Variants in CEP112 observed in about 807,000 individuals in gnomAD.
The protein encoded by CEP112 is centrosomal protein of 112 kDa.
A neutral mutation model predicts 153.0 loss-of-function variants in CEP112; 127 were observed. The observed-to-expected ratio is 0.83, with a 90% CI of 0.72 to 0.96. CEP112 has a LOEUF of 0.96. Among genes scored for constraint, CEP112 ranks in the 40% least tolerant of loss-of-function variants. The pLI, the probability that CEP112 is intolerant of heterozygous loss-of-function variation, is 0.00. For missense variants in CEP112, 1,089 were observed against 1,101.2 expected (o/e 0.99, Z 0.16); for synonymous variants, 358 against 374.4 (o/e 0.96, Z 0.51).
intron 18 of CEP112, among the ~76,000 whole-genome samples, chr17:65,930,382 G>A (rs1336969332): frequency 1.3e-5 from 2 of 152,200 alleles, no homozygotes; most frequent in African/African-American, 4.8e-5. Context: ...TTCACTGCAT[G>A]AGAACAAAAT....
intron 4 of CEP112, among the ~76,000 whole-genome samples, chr17:66,150,350 A>G (rs1003976830): frequency 8.7e-5 from 13 of 149,480 alleles, no homozygotes; most frequent in African/African-American, 2.5e-4. Flanking sequence ...GACATGTGCC[A>G]CCATGCCCAG....
intron 12 of CEP112, among the ~76,000 whole-genome samples, chr17:66,034,881 C>G (rs896808063): frequency 6.7e-6 from 1 of 150,130 alleles, no homozygotes; most frequent in Non-Finnish European, 1.5e-5. Flanking sequence ...AATCTCGACT[C>G]ACCGCAACCC....
At chr17:66,016,257 A>G (rs953731001) in intron 16 of CEP112, among the ~76,000 whole-genome samples, 2 of 152,046 alleles carry the variant, frequency 1.3e-5, no homozygotes, top group South Asian at 4.2e-4. Context: ...TTCCTCTACA[A>G]TGCTTTCCCA....
Position 66,105,623 on chromosome 17 carries a change from G to A in CEP112, c.643-8991C>T, listed in dbSNP as rs866813073. ...AGCTTGGGTAACATTGTAAAACCCC[G>A]TCTTCACAAAAATTCCAAAAATTAG... On this transcript the variant is annotated intron_variant, in intron 6 of 26. Coordinates refer to ENST00000535342, the MANE Select transcript of CEP112 (RefSeq NM_001199165.4). Among the ~76,000 whole-genome samples the A allele has an allele frequency of 1.8e-4, 27 of 152,116 alleles. No individual in the cohort carries two copies. In the South Asian group the frequency reaches 1.9e-3, roughly 11 times the overall value.
intron 22 of CEP112, among the ~76,000 whole-genome samples, chr17:65,747,304 T>C (rs957695035): frequency 1.3e-5 from 2 of 152,006 alleles, no homozygotes; most frequent in East Asian, 1.9e-4. Context: ...GAGGCTGGCA[T>C]AGAGATGGGC....
At chr17:65,998,134 T>A (rs1204813734) in intron 17 of CEP112, among the ~76,000 whole-genome samples, 1 of 151,918 alleles carries the variant, frequency 6.6e-6, no homozygotes, top group African/African-American at 2.4e-5. Flanking sequence ...AATCCCAGTA[T>A]TTTGAGAGGC....
intron 8 of CEP112, among the ~76,000 whole-genome samples, chr17:66,094,267 C>T (rs2068252279): frequency 6.6e-6 from 1 of 151,994 alleles, no homozygotes; most frequent in African/African-American, 2.4e-5. Context: ...ACCATGTTGG[C>T]CAGGCTGGTC....
intron 20 of CEP112, 65 bp downstream of exon 20, chr17:65,902,087 A>G: frequency 8.1e-7 from 1 of 1,239,954 alleles, no homozygotes; most frequent in Admixed American, 2.1e-5. Context: ...ATAATAAGAA[A>G]ACATTAAACG....
At chr17:66,088,849 C>G (rs1277946162) in intron 8 of CEP112, among the ~76,000 whole-genome samples, 1 of 152,148 alleles carries the variant, frequency 6.6e-6, no homozygotes, top group Non-Finnish European at 1.5e-5. Context: ...GGCCCCTGGC[C>G]TGTCCCAGTG....
At chr17:65,991,857 AT>A (rs2145261463) in intron 17 of CEP112, among the ~76,000 whole-genome samples, 1 of 152,226 alleles carries the variant, frequency 6.6e-6, no homozygotes, top group Non-Finnish European at 1.5e-5. Flanking sequence ...TTAAAACTAA[AT>A]TCAGATTTAT....
At chr17:65,720,408 C>T (rs1298530398) in intron 23 of CEP112, among the ~76,000 whole-genome samples, 1 of 152,124 alleles carries the variant, frequency 6.6e-6, no homozygotes, top group Non-Finnish European at 1.5e-5. Context: ...AACAGTTTCC[C>T]TGTGGAGCAA....
chr17:65,855,370 C>G (rs2058089506), intron 20 of CEP112, among the ~76,000 whole-genome samples: 1 of 152,206 alleles, frequency 6.6e-6, no homozygotes, highest in Non-Finnish European at 1.5e-5. Context: ...CAGGCACAGA[C>G]TTCTCTGAAC....
intron 21 of CEP112, among the ~76,000 whole-genome samples, chr17:65,773,600 C>A (rs34163148): frequency 2.8e-3 from 425 of 152,032 alleles, no homozygotes; most frequent in African/African-American, 9.8e-3. Context: ...TGTAGAAAAA[C>A]CAAGAAATAG....
intron 21 of CEP112, among the ~76,000 whole-genome samples, chr17:65,828,245 T>C (rs1568079332): frequency 6.6e-6 from 1 of 152,228 alleles, no homozygotes; most frequent in African/African-American, 2.4e-5. Flanking sequence ...ATAGTCTCCC[T>C]GCAACTTTTA....
At chr17:65,767,786 T>A (rs2053081238) in intron 21 of CEP112, among the ~76,000 whole-genome samples, 1 of 152,022 alleles carries the variant, frequency 6.6e-6, no homozygotes, top group Non-Finnish European at 1.5e-5. Flanking sequence ...GTAAACAGAT[T>A]AATTCCTAGG....
At chr17:65,978,852 A>G (rs564657620) in intron 17 of CEP112, among the ~76,000 whole-genome samples, 3 of 152,346 alleles carry the variant, frequency 2.0e-5, no homozygotes, top group East Asian at 1.9e-4. Flanking sequence ...CCTCTTGACC[A>G]TCATATTCTA....
chr17:66,050,478 C>A (rs947084285), intron 12 of CEP112, among the ~76,000 whole-genome samples: 1 of 152,136 alleles, frequency 6.6e-6, no homozygotes, highest in Non-Finnish European at 1.5e-5. Context: ...AGAAAATAAC[C>A]TAGTGTCTTC....
At chr17:65,999,258 A>G (rs2063917383) in intron 17 of CEP112, among the ~76,000 whole-genome samples, 1 of 147,200 alleles carries the variant, frequency 6.8e-6, no homozygotes, top group Non-Finnish European at 1.5e-5. Context: ...GCTGGAGTGC[A>G]GTGGCACTAT....
intron 23 of CEP112, among the ~76,000 whole-genome samples, chr17:65,711,530 T>C (rs2049183868): frequency 6.6e-6 from 1 of 152,226 alleles, no homozygotes; most frequent in Non-Finnish European, 1.5e-5. Context: ...TTTACCTATA[T>C]GTTATATATC....
Sources: allele counts gnomAD v4.1 joint callset (sites outside exome capture counted in the v4.1 genomes callset), GRCh38; gene constraint gnomAD v4.1.1; transcripts MANE v1.5; gene names NCBI Gene and HGNC (gene_info 2026-07-23, HGNC 2026-07-21).